The following PRKD2 variants were observed in gnomAD, a reference collection of about 807,000 sequenced individuals.
PRKD2 encodes serine/threonine-protein kinase D2.
PRKD2 carries 22 observed loss-of-function variants against 86.0 expected under a neutral mutation model. That is an observed-to-expected ratio of 0.26 (90% CI 0.18 to 0.37). PRKD2 has a LOEUF of 0.37. Ranked by LOEUF, PRKD2 falls within the 10% of genes least tolerant of loss-of-function variation. The pLI is 1.00. For missense variants in PRKD2, 818 were observed against 1,199.2 expected, an observed-to-expected ratio of 0.68 and a Z score of 4.70; for synonymous variants, 509 against 510.9, an observed-to-expected ratio of 1.00 and a Z score of 0.05.
chr19:46,699,918 T>TAAAAA (rs56355930), intron 7 of PRKD2, among the ~76,000 whole-genome samples: 2 of 107,280 alleles, frequency 1.9e-5, no homozygotes. Flanking sequence ...CCCCCTATCT[T>TAAAAA]AAAAAAAAAA....
intron 7 of PRKD2, among the ~76,000 whole-genome samples, 190 bp downstream of exon 7, chr19:46,700,609 G>A (rs1203103611): frequency 2.0e-5 from 3 of 152,092 alleles, no homozygotes; most frequent in African/African-American, 7.2e-5. Context: ...CAGCCTGGGC[G>A]ACAGACCGAG....
intron 16 of PRKD2, among the ~76,000 whole-genome samples, chr19:46,677,604 G>A (rs577555083): frequency 2.6e-5 from 4 of 152,060 alleles, no homozygotes; most frequent in Admixed American, 2.6e-4. Flanking sequence ...CAGGCCTTAG[G>A]ACTTAACTTT....
chr19:46,715,930 G>A (rs2053875299), intron 1 of PRKD2, among the ~76,000 whole-genome samples: 1 of 152,220 alleles, frequency 6.6e-6, no homozygotes, highest in African/African-American at 2.4e-5. Context: ...GGCCTCTGGG[G>A]CACCCCACCC....
At chr19:46,708,474 T>C (rs1445517472) in intron 3 of PRKD2, among the ~76,000 whole-genome samples, 1 of 151,860 alleles carries the variant, frequency 6.6e-6, no homozygotes, top group East Asian at 1.9e-4. Flanking sequence ...TGCACCACCA[T>C]GCCTGGCCAA....
intron 17 of PRKD2, 110 bp from the exon 18 acceptor site, chr19:46,674,845 T>C (rs2053172219): frequency 7.8e-7 from 1 of 1,279,784 alleles, no homozygotes; most frequent in Non-Finnish European, 1.1e-6. Flanking sequence ...AGCCATACCC[T>C]CTGCAACCCA....
Position 46,680,944 on chromosome 19 carries a change from A to ATTT in PRKD2, c.2070+705_2070+706insAAA, listed in dbSNP as rs1460783932. Reference sequence around the variant, plus strand: ...ATAAACTATATATATATATATATATATATTTTTTTTTTTTTTTTTGAGACA... The same window carrying ATTT: ...ATAAACTATATATATATATATATATATTTTATTTTTTTTTTTTTTTTTGAGACA... On this transcript the variant is annotated intron_variant, in intron 15 of 17. Coordinates refer to ENST00000291281, the MANE Select transcript of PRKD2 (RefSeq NM_016457.5). Among the ~76,000 whole-genome samples the ATTT allele has an allele frequency of 1.6e-4, 7 of 43,080 alleles. No homozygotes were observed. The East Asian group carries it at 2.2e-3, about 14-fold the overall frequency. 28.3% of individuals were successfully genotyped at this position (43,080 alleles called of 152,430 possible). A position where few individuals can be genotyped will look rare whatever the true frequency, so the allele number is the denominator to read the frequency against.
chr19:46,700,207 G>C (rs1379530208), intron 7 of PRKD2, among the ~76,000 whole-genome samples: 5 of 152,092 alleles, frequency 3.3e-5, no homozygotes, highest in Non-Finnish European at 7.4e-5. Context: ...CTGCACTCCA[G>C]CCTGGGCAAC....
At chr19:46,682,701 A>ATTTTTTT (rs71177241) in intron 14 of PRKD2, among the ~76,000 whole-genome samples, 1 of 102,874 alleles carries the variant, frequency 9.7e-6, no homozygotes, top group Non-Finnish European at 2.0e-5. Flanking sequence ...ATGTGATTCT[A>ATTTTTTT]TTTTTTTTTT....
rs867472653 is a variant in PRKD2 at position 46,710,935 on chromosome 19, G to T, written c.483C>A (p.Gly161=). The T allele has an allele frequency of 4.4e-6, 7 of 1,578,138 alleles. No homozygotes were observed. In the African/African-American group the frequency reaches 5.4e-5, roughly 12 times the overall value. The part of the protein sequence containing the change: ...FCDHCGEMLF[G]LVRQGLKCDG... The stretch of plus-strand genomic sequence containing the variant: ...CGCACTTGAGGCCCTGGCGCACTAG[G>T]CCGAAGAGCATCTCCCCGCAGTGAT... The change falls in exon 3 of 18, where the codon GGC becomes GGA. Residue 161 remains glycine, a synonymous_variant. Transcript: ENST00000291281.
At position 46,707,552 on chromosome 19, in the gene PRKD2, T is replaced by C. The variant is rs189923087; in HGVS notation, c.512-2903A>G. Among the ~76,000 whole-genome samples the C allele has an allele frequency of 3.2e-3, 480 of 152,236 alleles. 3 individuals are homozygous for C. Among genetic ancestry groups the C allele is most frequent in the South Asian group, 0.01 (49 of 4,824 alleles). ...TTGCAGTGAGCCAAGACCACGCCAC[T>C]GCACTCCATCCTGGGTGACGGAGCA... On this transcript the variant is annotated intron_variant, in intron 3 of 17. Coordinates refer to ENST00000291281, the MANE Select transcript of PRKD2 (RefSeq NM_016457.5).
intron 15 of PRKD2, 48 bp downstream of exon 15, chr19:46,681,602 C>CCCCACAA: frequency 9.0e-7 from 1 of 1,110,226 alleles, no homozygotes; most frequent in Non-Finnish European, 1.3e-6. Context: ...CCACCCCGGC[C>CCCCACAA]ATCAGTGTTG....
chr19:46,703,969 A>T (rs1313966322), intron 5 of PRKD2, among the ~76,000 whole-genome samples, 200 bp downstream of exon 5: 1 of 150,836 alleles, frequency 6.6e-6, no homozygotes, highest in Non-Finnish European at 1.5e-5. Context: ...ACACACACAC[A>T]CACACACACA....
intron 13 of PRKD2, 118 bp from the exon 14 acceptor site, chr19:46,689,816 A>G (rs926675110): frequency 1.6e-6 from 2 of 1,218,572 alleles, no homozygotes; most frequent in Non-Finnish European, 2.3e-6. Flanking sequence ...GGGTATTGGC[A>G]CTTGGAGAGG....
intron 2 of PRKD2, among the ~76,000 whole-genome samples, chr19:46,711,698 T>C (rs2053811543): frequency 6.6e-6 from 1 of 152,154 alleles, no homozygotes; most frequent in Non-Finnish European, 1.5e-5. Context: ...CGGCCTAAAA[T>C]AGTAATTTTT....
intron 2 of PRKD2, among the ~76,000 whole-genome samples, chr19:46,712,809 T>C (rs1392930546): frequency 6.6e-6 from 1 of 152,174 alleles, no homozygotes; most frequent in African/African-American, 2.4e-5. Context: ...CCAAGGGCCA[T>C]AGACTGCTCT....
At chr19:46,703,839 G>A (rs2053668921) in intron 5 of PRKD2, among the ~76,000 whole-genome samples, 1 of 151,966 alleles carries the variant, frequency 6.6e-6, no homozygotes, top group African/African-American at 2.4e-5. Context: ...AGCTACTTGG[G>A]AGGCTGAGGC....
rs371760202 is a variant in PRKD2 at position 46,700,946 on chromosome 19, G to A, written c.974C>T (p.Pro325Leu). The change falls in exon 7 of 18, where the codon CCG (proline) becomes CTG (leucine). Residue 325 changes from proline to leucine, a missense_variant. Pro to Leu is a moderately conservative substitution (Grantham distance 98). This residue lies in a region of PRKD2 where 403 missense variants were observed against 518.6 expected (regional missense o/e 0.78). Coordinates refer to ENST00000291281, the MANE Select transcript of PRKD2 (RefSeq NM_016457.5). ...GCTGAAATCGGTGGCCTCCTCCATC[G>A]GCACATCTGTGGGGACGGAGGCATC... is the stretch of plus-strand genomic sequence containing the variant. ...LGEALINGDV[P>L]MEEATDFSEA... 163 of 1,614,072 alleles carry A rather than the reference G, an allele frequency of 1.0e-4. No homozygotes were observed. Among genetic ancestry groups the A allele is most frequent in the Non-Finnish European group, 1.3e-4 (155 of 1,180,018 alleles).
chr19:46,692,015 G>A, intron 10 of PRKD2, 30 bp from the exon 11 acceptor site: 1 of 1,604,400 alleles, frequency 6.2e-7, no homozygotes, highest in Non-Finnish European at 8.5e-7. Context: ...AGAGGTGAGG[G>A]GACTCCAGGC....
At chr19:46,706,682 T>G (rs957221128) in intron 3 of PRKD2, among the ~76,000 whole-genome samples, 14 of 152,256 alleles carry the variant, frequency 9.2e-5, no homozygotes, top group African/African-American at 3.4e-4. Context: ...GATAACCCAT[T>G]AGGACTTGAT....
Sources: allele counts gnomAD v4.1 joint callset (sites outside exome capture counted in the v4.1 genomes callset), GRCh38; gene constraint gnomAD v4.1.1; regional missense constraint gnomAD v4.1.1; transcripts MANE v1.5; gene names NCBI Gene and HGNC (gene_info 2026-07-23, HGNC 2026-07-21).